The following TIAM1 variants were observed in gnomAD, a reference collection of about 807,000 sequenced individuals.
TIAM1 encodes rho guanine nucleotide exchange factor TIAM1.
TIAM1 carries 65 observed loss-of-function variants against 163.5 expected under a neutral mutation model. That is an observed-to-expected ratio of 0.40 (90% CI 0.33 to 0.49). The LOEUF is 0.49. Ranked by LOEUF, TIAM1 falls within the 20% of genes least tolerant of loss-of-function variation. The pLI, the probability that TIAM1 is intolerant of heterozygous loss-of-function variation, is 0.77. For missense variants in TIAM1, 1,789 were observed against 2,044.7 expected (o/e 0.87, Z 2.41); for synonymous variants, 833 against 810.1 (o/e 1.03, Z -0.48).
intron 2 of TIAM1, among the ~76,000 whole-genome samples, chr21:31,461,685 A>G (rs1177442891): frequency 6.6e-6 from 1 of 152,124 alleles, no homozygotes. Flanking sequence ...TGTGTGTGAG[A>G]GACCTGATCT....
intron 2 of TIAM1, among the ~76,000 whole-genome samples, chr21:31,321,345 T>C (rs927213970): frequency 1.3e-5 from 2 of 150,768 alleles, no homozygotes; most frequent in Admixed American, 1.3e-4. Flanking sequence ...TGTTTGTTTG[T>C]TTGTTTGTTT....
At chr21:31,380,749 AT>A (rs2076765031) in intron 2 of TIAM1, among the ~76,000 whole-genome samples, 1 of 152,194 alleles carries the variant, frequency 6.6e-6, no homozygotes, top group South Asian at 2.1e-4. Context: ...TTTTTAGTTC[AT>A]TAAAATGTGG....
In TIAM1 at chr21:31,187,059, ATCT is replaced by A; in HGVS notation, c.2601_2603del (p.Glu867del). 6.2e-7 allele frequency: 1 copy of A among 1,614,156 alleles called. No individual in the cohort carries two copies. Among genetic ancestry groups the A allele is most frequent in the Non-Finnish European group, 8.5e-7 (1 of 1,179,982 alleles). On this transcript the variant is annotated inframe_deletion, in exon 14 of 28. Coordinates refer to ENST00000541036, the MANE Select transcript of TIAM1 (RefSeq NM_001353694.2). ...TATTCACGTACAGCCTTCGAATACC[ATCT>A]TCTTCCACAGAAGAAAGTGAAAACC...
intron 4 of TIAM1, among the ~76,000 whole-genome samples, chr21:31,261,972 C>T (rs2072500196): frequency 6.6e-6 from 1 of 152,160 alleles, no homozygotes; most frequent in South Asian, 2.1e-4. Flanking sequence ...TCCTCACAAG[C>T]ATGCACAACG....
intron 2 of TIAM1, among the ~76,000 whole-genome samples, chr21:31,458,658 T>C (rs941992773): frequency 4.6e-5 from 7 of 151,952 alleles, no homozygotes; most frequent in African/African-American, 1.4e-4. Context: ...GGGAACCCTT[T>C]ACTCTAATGG....
At chr21:31,390,749 A>T (rs2076952800) in intron 2 of TIAM1, among the ~76,000 whole-genome samples, 1 of 152,224 alleles carries the variant, frequency 6.6e-6, no homozygotes, top group East Asian at 1.9e-4. Context: ...AGCTTTTTAA[A>T]TGAACCTATG....
Position 31,182,411 on chromosome 21 carries a change from A to ACAGC in TIAM1, c.2887+6_2887+9dup. The ACAGC allele has an allele frequency of 6.5e-7, 1 of 1,540,054 alleles. No individual in the cohort carries two copies. The highest frequency in any genetic ancestry group is 2.3e-5 in the East Asian group (1 of 44,016). On this transcript the variant is annotated intron_variant, in intron 15 of 27. Coordinates refer to ENST00000541036, the MANE Select transcript of TIAM1 (RefSeq NM_001353694.2). ...TTCAGACTCGCCCCCAGCACCCTGCACAGCCATACCTGGGTTGCTGGTGAG... is the reference window on the plus strand; with the variant it reads ...TTCAGACTCGCCCCCAGCACCCTGCACAGCCAGCCATACCTGGGTTGCTGGTGAG...
intron 2 of TIAM1, among the ~76,000 whole-genome samples, chr21:31,301,646 C>T (rs548909454): frequency 1.3e-5 from 2 of 152,116 alleles, no homozygotes; most frequent in South Asian, 4.2e-4. Context: ...TCGAGACAAG[C>T]CTGGCCAACA....
At chr21:31,527,709 A>G (rs2047833588) in intron 1 of TIAM1, among the ~76,000 whole-genome samples, 1 of 152,098 alleles carries the variant, frequency 6.6e-6, no homozygotes, top group South Asian at 2.1e-4. Flanking sequence ...CCTGTCACTT[A>G]TCACAAAATC....
intron 16 of TIAM1, among the ~76,000 whole-genome samples, chr21:31,162,235 T>C (rs1302755844): frequency 6.6e-6 from 1 of 152,126 alleles, no homozygotes; most frequent in Non-Finnish European, 1.5e-5. Flanking sequence ...GGGCAGATAA[T>C]AGTATCTCCC....
intron 1 of TIAM1, among the ~76,000 whole-genome samples, chr21:31,531,198 C>A (rs1419389049): frequency 6.6e-6 from 1 of 152,168 alleles, no homozygotes; most frequent in Non-Finnish European, 1.5e-5. Context: ...ATTGGAATAT[C>A]TTAAGTAAAA....
At chr21:31,400,593 A>C (rs149467517) in intron 2 of TIAM1, among the ~76,000 whole-genome samples, 8 of 152,338 alleles carry the variant, frequency 5.3e-5, no homozygotes, top group African/African-American at 1.9e-4. Context: ...TCTCAACGAC[A>C]TGATGAGACA....
chr21:31,312,115 A>G (rs1455721267), intron 2 of TIAM1, among the ~76,000 whole-genome samples: 2 of 152,212 alleles, frequency 1.3e-5, no homozygotes, highest in African/African-American at 4.8e-5. Context: ...CCTGCTTTTG[A>G]GGCTTGGGGA....
intron 1 of TIAM1, among the ~76,000 whole-genome samples, chr21:31,488,252 T>C (rs1203960639): frequency 6.6e-6 from 1 of 152,158 alleles, no homozygotes; most frequent in Admixed American, 6.5e-5. Context: ...TTGGTCCTCA[T>C]AGCTACCCTT....
At chr21:31,160,073 T>G (rs2083834725) in intron 16 of TIAM1, among the ~76,000 whole-genome samples, 1 of 152,130 alleles carries the variant, frequency 6.6e-6, no homozygotes, top group African/African-American at 2.4e-5. Flanking sequence ...GGATGGGAGA[T>G]TCTCACCATG....
chr21:31,554,211 T>G (rs1355198848), intron 1 of TIAM1, among the ~76,000 whole-genome samples: 1 of 152,112 alleles, frequency 6.6e-6, no homozygotes, highest in Non-Finnish European at 1.5e-5. Flanking sequence ...CATAGCCCAA[T>G]CTCCAATCAG....
chr21:31,403,688 A>G (rs2077202611), intron 2 of TIAM1, among the ~76,000 whole-genome samples: 1 of 152,162 alleles, frequency 6.6e-6, no homozygotes, highest in African/African-American at 2.4e-5. Context: ...ATAAATACAT[A>G]AAGAAGTGAA....
chr21:31,149,363 T>C (rs1478284406), intron 19 of TIAM1, among the ~76,000 whole-genome samples: 2 of 152,218 alleles, frequency 1.3e-5, no homozygotes, highest in Non-Finnish European at 2.9e-5. Flanking sequence ...AATGCTCCAA[T>C]GGCCATTTCC....
intron 2 of TIAM1, among the ~76,000 whole-genome samples, chr21:31,281,413 A>C (rs959222621): frequency 6.6e-6 from 1 of 152,198 alleles, no homozygotes; most frequent in African/African-American, 2.4e-5. Context: ...TATAAAATTT[A>C]TGTAAGTATG....
Sources: gnomAD v4.1 joint callset for allele counts (sites outside exome capture counted in the v4.1 genomes callset) on GRCh38, gnomAD v4.1.1 for gene constraint, MANE v1.5 for transcripts, NCBI Gene and HGNC (gene_info 2026-07-23, HGNC 2026-07-21) for gene names.